The following KIF27 variants were observed in gnomAD, a reference collection of about 807,000 sequenced individuals.
KIF27 encodes kinesin family member 27.
In KIF27, 84 loss-of-function variants were observed where a neutral mutation model predicts 141.8. That is an observed-to-expected ratio of 0.59 (90% CI 0.50 to 0.71). KIF27 has a LOEUF of 0.71. Among genes scored for constraint, KIF27 ranks in the 30% least tolerant of loss-of-function variants. The probability of loss-of-function intolerance (pLI) is 0.00; values close to 1 mark genes in which losing one functional copy is unlikely to be tolerated. For missense variants in KIF27, 1,306 were observed against 1,628.4 expected (o/e 0.80, Z 3.41); for synonymous variants, 471 against 569.5 (o/e 0.83, Z 2.46).
At position 83,848,272 on chromosome 9, in the gene KIF27, GATATGATAT is replaced by G. The variant is rs1376528893; in HGVS notation, c.3556+1818_3556+1826del. On this transcript the variant is annotated intron_variant, in intron 16 of 17. Coordinates refer to ENST00000297814, the MANE Select transcript of KIF27 (RefSeq NM_017576.4). The stretch of plus-strand genomic sequence containing the variant: ...CAGATATGATATATATGATATATCA[GATATGATAT>G]ATATGATATATCAGATATGATATAT... 5.5e-5 allele frequency among the ~76,000 whole-genome samples: 4 copies of G among 72,632 alleles called. No homozygotes were observed. The South Asian group carries it at 1.1e-3, about 20-fold the overall frequency. 47.6% of individuals were successfully genotyped at this position (72,632 alleles called of 152,430 possible). A position where few individuals can be genotyped will look rare whatever the true frequency, so the allele number is the denominator to read the frequency against.
intron 4 of KIF27, among the ~76,000 whole-genome samples, chr9:83,901,571 T>TA (rs1243183611): frequency 6.6e-6 from 1 of 152,182 alleles, no homozygotes; most frequent in Non-Finnish European, 1.5e-5. Context: ...ATTCTACTCT[T>TA]ACTAAAATTT....
chr9:83,848,913 G>C (rs1300157660), intron 16 of KIF27: 1 of 152,040 alleles, frequency 6.6e-6, no homozygotes, highest in Non-Finnish European at 1.5e-5. Context: ...CTGGGACTCA[G>C]GTGATCCTCC....
At chr9:83,854,226 T>A (rs1948934041) in intron 14 of KIF27, among the ~76,000 whole-genome samples, 1 of 152,232 alleles carries the variant, frequency 6.6e-6, no homozygotes, top group Non-Finnish European at 1.5e-5. Flanking sequence ...ATATATCTCC[T>A]CCATAACCCC....
At position 83,875,975 on chromosome 9, in the gene KIF27, A is replaced by C. The variant is rs540090707; in HGVS notation, c.2643+4322T>G. 2.7e-4 allele frequency among the ~76,000 whole-genome samples: 41 copies of C among 152,306 alleles called. 1 individual carries two copies. The South Asian group carries it at 7.9e-3, about 29-fold the overall frequency. On this transcript the variant is annotated intron_variant, in intron 11 of 17. Transcript: ENST00000297814. ...GGAGGATAATTTTAGGATGAAAAAA[A>C]CTAAGATATTTAAAGACAAATCCAG...
At position 83,870,278 on chromosome 9, in the gene KIF27, T is replaced by C. The variant is rs529676883; in HGVS notation, c.2757+241A>G. On this transcript the variant is annotated intron_variant, in intron 12 of 17. Coordinates refer to ENST00000297814, the MANE Select transcript of KIF27 (RefSeq NM_017576.4). ...ACCTCCAGGGTTCAAGCGATTCTCC[T>C]GCCTCAGCCTCCCAAGTAGCTGGGA... is the stretch of plus-strand genomic sequence containing the variant. Among the ~76,000 whole-genome samples, 4 of 152,250 alleles carry C rather than the reference T, an allele frequency of 2.6e-5. No individual in the cohort carries two copies. In the East Asian group the frequency reaches 7.7e-4, roughly 29 times the overall value.
intron 12 of KIF27, among the ~76,000 whole-genome samples, chr9:83,868,790 C>T (rs1322351272): frequency 5.9e-5 from 9 of 152,012 alleles, no homozygotes; most frequent in Admixed American, 1.3e-4. Context: ...AGCAAAATGG[C>T]CAAGACAAAG....
intron 11 of KIF27, among the ~76,000 whole-genome samples, chr9:83,877,267 T>G (rs1473476131): frequency 6.6e-6 from 1 of 152,180 alleles, no homozygotes; most frequent in Non-Finnish European, 1.5e-5. Flanking sequence ...CATCATGCTG[T>G]ACACTAAGTC....
chr9:83,913,323 G>T (rs1012896110), intron 2 of KIF27, among the ~76,000 whole-genome samples: 1 of 152,134 alleles, frequency 6.6e-6, no homozygotes, highest in African/African-American at 2.4e-5. Flanking sequence ...TTCACTGGAG[G>T]GGTAAAAAGA....
chr9:83,872,828 A>T (rs1338874669), intron 11 of KIF27, among the ~76,000 whole-genome samples: 1 of 152,186 alleles, frequency 6.6e-6, no homozygotes, highest in African/African-American at 2.4e-5. Flanking sequence ...AAAGGTATCA[A>T]TGGGGAGAGA....
chr9:83,836,806 T>G lies in KIF27; in HGVS notation c.*195A>C. The G allele has an allele frequency of 2.7e-6, 2 of 740,856 alleles. No homozygotes were observed. The highest frequency in any genetic ancestry group is 5.0e-5 in the South Asian group (2 of 40,168). 45.9% of individuals were successfully genotyped at this position (740,856 alleles called of 1,614,324 possible). A position where few individuals can be genotyped will look rare whatever the true frequency, so the allele number is the denominator to read the frequency against. On this transcript the variant is annotated 3_prime_UTR_variant, in exon 18 of 18. Coordinates refer to ENST00000297814, the MANE Select transcript of KIF27 (RefSeq NM_017576.4). ...TATTGGAAAACATGTTTGATTACTATGGGAATATAAACTAAAACTCCCCAA... is the reference window on the plus strand; with the variant it reads ...TATTGGAAAACATGTTTGATTACTAGGGGAATATAAACTAAAACTCCCCAA...
At chr9:83,851,474 C>T (rs1216106396) in intron 15 of KIF27, among the ~76,000 whole-genome samples, 5 of 152,128 alleles carry the variant, frequency 3.3e-5, no homozygotes, top group African/African-American at 1.2e-4. Flanking sequence ...ACCTCAGCCT[C>T]CCACATAGCT....
chr9:83,902,652 A>G (rs1475322964), intron 4 of KIF27, among the ~76,000 whole-genome samples: 2 of 152,232 alleles, frequency 1.3e-5, no homozygotes, highest in Admixed American at 1.3e-4. Context: ...TCAGTAAAAG[A>G]TAACTTAAGT....
At chr9:83,867,263 G>A (rs1950438678) in intron 13 of KIF27, among the ~76,000 whole-genome samples, 1 of 152,036 alleles carries the variant, frequency 6.6e-6, no homozygotes, top group African/African-American at 2.4e-5. Flanking sequence ...ATGAACATTT[G>A]TGTTGTTTTC....
intron 17 of KIF27, among the ~76,000 whole-genome samples, chr9:83,840,810 T>C (rs1946469898): frequency 6.6e-6 from 1 of 152,200 alleles, no homozygotes; most frequent in Admixed American, 6.5e-5. Context: ...GTGTAATCTC[T>C]TTGGCAGGAT....
At chr9:83,917,508 CAATATTGAAAAAGAACA>C (rs1249783951) in intron 1 of KIF27, among the ~76,000 whole-genome samples, 2 of 152,226 alleles carry the variant, frequency 1.3e-5, no homozygotes, top group East Asian at 3.9e-4. Context: ...ATAACCAAAA[CAATATTGAAAAAGAACA>C]AAGTAAGAGG....
At chr9:83,899,906 T>A in intron 4 of KIF27, 102 bp from the exon 5 acceptor site, 1 of 942,126 alleles carries the variant, frequency 1.1e-6, no homozygotes, top group South Asian at 2.7e-5. Flanking sequence ...CTTGATGATG[T>A]CTCATAAATT....
rs1290548543 is a variant in KIF27 at position 83,834,152 on chromosome 9, C to T, written c.*2849G>A. ...TAAGAGGAAAAAAGAACATAATGAA[C>T]GAAAAAAAGAAAACCACAAACATTT... On this transcript the variant is annotated 3_prime_UTR_variant, in exon 18 of 18. Transcript: ENST00000297814. Among the ~76,000 whole-genome samples, 2 of 150,966 alleles carry T rather than the reference C, an allele frequency of 1.3e-5. No homozygotes were observed. Among genetic ancestry groups the T allele is most frequent in the South Asian group, 4.2e-4 (2 of 4,784 alleles).
Position 83,889,193 on chromosome 9 carries a change from T to C in KIF27, c.1870A>G (p.Ser624Gly). The C allele has an allele frequency of 1.2e-6, 2 of 1,613,924 alleles. No homozygotes were observed. The highest frequency in any genetic ancestry group is 2.2e-5 in the South Asian group (2 of 91,052). Residue 624 changes from serine (S) to glycine (G), a missense_variant, in exon 7 of 18, where the codon AGT becomes GGT. Physicochemically the swap from Ser to Gly is moderately conservative, Grantham distance 56 (BLOSUM62 0). Transcript: ENST00000297814. ...DRIFAGFRTRSQMLLGHIEEQ... is the reference protein window; with the variant it reads ...DRIFAGFRTRGQMLLGHIEEQ... ...TCTATGTGACCCAACAGCATCTGAC[T>C]TCGTGTTCGAAATCCAGCAAATATT... is the stretch of plus-strand genomic sequence containing the variant.
intron 9 of KIF27, among the ~76,000 whole-genome samples, chr9:83,885,450 T>A (rs1459952434): frequency 6.6e-6 from 1 of 152,242 alleles, no homozygotes; most frequent in Non-Finnish European, 1.5e-5. Context: ...ATCATTTTTT[T>A]ATAAAAGTTA....
Sources: gnomAD v4.1 joint callset for allele counts (sites outside exome capture counted in the v4.1 genomes callset) on GRCh38, gnomAD v4.1.1 for gene constraint, MANE v1.5 for transcripts, NCBI Gene and HGNC (gene_info 2026-07-23, HGNC 2026-07-21) for gene names.